Variants in WWC2 observed in about 807,000 individuals in gnomAD.
WWC2 encodes protein WWC2.
WWC2 carries 101 observed loss-of-function variants against 138.5 expected under a neutral mutation model. The observed-to-expected ratio is 0.73, with a 90% confidence interval of 0.62 to 0.86. The LOEUF (loss-of-function observed/expected upper bound fraction) is 0.86, where lower values mean the gene tolerates loss of function less well. Ranked by LOEUF, WWC2 falls within the 40% of genes least tolerant of loss-of-function variation. WWC2 has a pLI of 0.00. For missense variants in WWC2, 1,420 were observed against 1,419.4 expected, an observed-to-expected ratio of 1.00 and a Z score of -0.01; for synonymous variants, 558 against 538.4, an observed-to-expected ratio of 1.04 and a Z score of -0.50.
intron 4 of WWC2, among the ~76,000 whole-genome samples, chr4:183,224,227 C>T (rs1301374966): frequency 1.3e-5 from 2 of 151,936 alleles, no homozygotes; most frequent in South Asian, 2.1e-4. Flanking sequence ...TTTTTTGGGG[C>T]GGGGACATTC....
At chr4:183,184,469 A>G (rs1734735673) in intron 1 of WWC2, among the ~76,000 whole-genome samples, 1 of 152,120 alleles carries the variant, frequency 6.6e-6, no homozygotes, top group Admixed American at 6.5e-5. Context: ...TCGAGTACCT[A>G]TTTTCACTTC....
intron 1 of WWC2, among the ~76,000 whole-genome samples, chr4:183,143,284 G>A (rs1047867167): frequency 2.0e-5 from 3 of 152,060 alleles, no homozygotes; most frequent in African/African-American, 4.8e-5. Flanking sequence ...TGATGGCGTC[G>A]ATGTGGCCCC....
chr4:183,258,222 T>A (rs1453713303), intron 9 of WWC2, among the ~76,000 whole-genome samples: 1 of 152,228 alleles, frequency 6.6e-6, no homozygotes, highest in African/African-American at 2.4e-5. Context: ...CACTTTTAAT[T>A]CAGTTAGTCT....
At chr4:183,196,546 C>A (rs1042618439) in intron 2 of WWC2, among the ~76,000 whole-genome samples, 6 of 152,224 alleles carry the variant, frequency 3.9e-5, no homozygotes, top group Non-Finnish European at 7.3e-5. Flanking sequence ...GCTGCCACAT[C>A]TGTCTAAGTC....
At chr4:183,224,893 C>T (rs1472741642) in intron 4 of WWC2, among the ~76,000 whole-genome samples, 1 of 152,100 alleles carries the variant, frequency 6.6e-6, no homozygotes, top group African/African-American at 2.4e-5. Flanking sequence ...TCAATTTGTG[C>T]TCACAGATTT....
intron 1 of WWC2, among the ~76,000 whole-genome samples, chr4:183,108,639 C>T (rs114112075): frequency 0.032 from 4,899 of 151,980 alleles, 121 homozygotes; most frequent in Non-Finnish European, 0.049. Flanking sequence ...GAGACACAGC[C>T]TCACTCTTTC....
chr4:183,251,251 C>T (rs1483721742), intron 8 of WWC2, among the ~76,000 whole-genome samples: 4 of 152,192 alleles, frequency 2.6e-5, no homozygotes, highest in African/African-American at 9.7e-5. Flanking sequence ...TTTTGTGGCC[C>T]GGCAATGTGC....
chr4:183,258,088 A>G (rs937605924), intron 9 of WWC2, among the ~76,000 whole-genome samples: 14 of 152,226 alleles, frequency 9.2e-5, no homozygotes, highest in South Asian at 4.1e-4. Context: ...TCCTGAAAGC[A>G]TTAGAAAAAG....
At chr4:183,223,030 C>T (rs1437612403) in intron 4 of WWC2, among the ~76,000 whole-genome samples, 1 of 152,096 alleles carries the variant, frequency 6.6e-6, no homozygotes, top group Non-Finnish European at 1.5e-5. Flanking sequence ...AATGACAAAC[C>T]ACATATATAT....
intron 1 of WWC2, among the ~76,000 whole-genome samples, chr4:183,130,598 C>T (rs1314273643): frequency 1.3e-5 from 2 of 152,138 alleles, no homozygotes; most frequent in African/African-American, 4.8e-5. Flanking sequence ...TGACTATTTC[C>T]ATTTTTTAAA....
chr4:183,282,792 A>G lies in WWC2; in HGVS notation c.2769A>G (p.Thr923=). 1 of 1,584,320 alleles carries G rather than the reference A, an allele frequency of 6.3e-7. No individual in the cohort carries two copies. Among genetic ancestry groups the G allele is most frequent in the South Asian group, 1.2e-5 (1 of 86,348 alleles). Residue 923 remains threonine, a synonymous_variant, in exon 18 of 23, where the codon ACA becomes ACG. Transcript: ENST00000403733. ...EVKLPEDSSC[T]EDLSSCTSVP... ...AATTGCCAGAGGACAGTAGCTGTAC[A>G]GAAGATTTAAGTTCATGCACTAGTG...
At chr4:183,289,676 CT>C (rs765747914) in intron 21 of WWC2, 41 bp downstream of exon 21, 4 of 1,593,024 alleles carry the variant, frequency 2.5e-6, no homozygotes, top group East Asian at 2.2e-5. Context: ...GGGCTTACAT[CT>C]TTTTTTAAAG....
intron 11 of WWC2, 145 bp downstream of exon 11, chr4:183,261,677 CT>C: frequency 1.0e-6 from 1 of 965,082 alleles, no homozygotes. Context: ...TAAGAAGGAG[CT>C]TTTATTTATA....
chr4:183,152,223 A>G (rs1733653845), intron 1 of WWC2, among the ~76,000 whole-genome samples: 1 of 151,904 alleles, frequency 6.6e-6, no homozygotes, highest in African/African-American at 2.4e-5. Flanking sequence ...TATATAGCCC[A>G]CCATGGTGGT....
intron 9 of WWC2, among the ~76,000 whole-genome samples, chr4:183,255,140 A>T (rs1000651075): frequency 3.9e-5 from 6 of 152,176 alleles, no homozygotes; most frequent in Non-Finnish European, 7.3e-5. Flanking sequence ...AACGTATCAA[A>T]AGGAAAAGCC....
At chr4:183,170,863 T>A (rs75957531) in intron 1 of WWC2, among the ~76,000 whole-genome samples, 3 of 150,048 alleles carry the variant, frequency 2.0e-5, no homozygotes, top group Non-Finnish European at 4.4e-5. Flanking sequence ...TTTTTTTTTT[T>A]AATAGAGAGT....
At chr4:183,209,305 G>A (rs1490740999) in intron 4 of WWC2, among the ~76,000 whole-genome samples, 1 of 152,168 alleles carries the variant, frequency 6.6e-6, no homozygotes, top group Admixed American at 6.5e-5. Flanking sequence ...CTAGCGCACT[G>A]CAATCTCCGC....
At chr4:183,164,265 CAT>C (rs1300397704) in intron 1 of WWC2, among the ~76,000 whole-genome samples, 173 of 72,804 alleles carry the variant, frequency 2.4e-3, no homozygotes, top group African/African-American at 9.6e-3. Flanking sequence ...TTGGTGTGCG[CAT>C]ATATATATAT....
chr4:183,099,373 C>A lies in WWC2; in HGVS notation c.-119C>A. ...TCCGCCGCGCCCCGCGCCCTGCGCC[C>A]CTCAGCCCCTCGCCGGCGCCCGCGT... On this transcript the variant is annotated 5_prime_UTR_variant, in exon 1 of 23. Transcript: ENST00000403733. 9.3e-7 allele frequency: 1 copy of A among 1,072,456 alleles called. No homozygotes were observed. The highest frequency in any genetic ancestry group is 4.4e-5 in the East Asian group (1 of 22,526). 66.4% of individuals were successfully genotyped at this position (1,072,456 alleles called of 1,614,324 possible).
Sources: gnomAD v4.1 joint callset for allele counts (sites outside exome capture counted in the v4.1 genomes callset) on GRCh38, gnomAD v4.1.1 for gene constraint, MANE v1.5 for transcripts, NCBI Gene and HGNC (gene_info 2026-07-23, HGNC 2026-07-21) for gene names.